ASIC2: variants seen among roughly 807,000 people sequenced by gnomAD.
ASIC2 encodes the protein acid sensing ion channel subunit 2, also known as acid-sensing ion channel 2.
Under a neutral mutation model 57.3 loss-of-function variants are expected in ASIC2, and 25 were observed. The observed-to-expected ratio is 0.44, with a 90% CI of 0.32 to 0.61. ASIC2 has a LOEUF of 0.61. Among genes scored for constraint, ASIC2 ranks in the 20% least tolerant of loss-of-function variants. The probability of loss-of-function intolerance (pLI) is 0.06; values close to 1 mark genes in which losing one functional copy is unlikely to be tolerated. For synonymous variants in ASIC2, 319 were observed against 307.5 expected (o/e 1.04, Z -0.39); for missense variants, 641 against 738.1 (o/e 0.87, Z 1.52).
At chr17:33,509,521 G>A (rs952380698) in intron 1 of ASIC2, among the ~76,000 whole-genome samples, 4 of 152,186 alleles carry the variant, frequency 2.6e-5, no homozygotes, top group African/African-American at 4.8e-5. Context: ...ACTGACAGAC[G>A]GCATCATGCC....
chr17:34,044,596 G>A (rs1200548220), intron 1 of ASIC2, among the ~76,000 whole-genome samples: 1 of 152,174 alleles, frequency 6.6e-6, no homozygotes, highest in Non-Finnish European at 1.5e-5. Flanking sequence ...ACTTTTCAAT[G>A]AGGAGGCACC....
chr17:33,763,045 A>G (rs1430098206), intron 1 of ASIC2, among the ~76,000 whole-genome samples: 2 of 152,152 alleles, frequency 1.3e-5, no homozygotes, highest in Non-Finnish European at 2.9e-5. Context: ...AACTTGACCA[A>G]TGTTACACAG....
chr17:33,325,120 GAAACAAAC>G (rs370199299), intron 1 of ASIC2, among the ~76,000 whole-genome samples: 30 of 152,104 alleles, frequency 2.0e-4, no homozygotes, highest in Non-Finnish European at 2.5e-4. Context: ...GATGCCACAA[GAAACAAAC>G]AAACAAACAA....
chr17:33,174,139 G>C (rs2142051602), intron 1 of ASIC2, among the ~76,000 whole-genome samples: 1 of 152,178 alleles, frequency 6.6e-6, no homozygotes, highest in East Asian at 1.9e-4. Flanking sequence ...CAAATCCATG[G>C]GGCCAGGCAC....
chr17:33,345,354 A>C (rs1307000928), intron 1 of ASIC2, among the ~76,000 whole-genome samples: 1 of 152,242 alleles, frequency 6.6e-6, no homozygotes. Flanking sequence ...CAAGATCCCT[A>C]TCCTCACATA....
intron 1 of ASIC2, among the ~76,000 whole-genome samples, chr17:33,525,286 G>T (rs1221836483): frequency 6.6e-6 from 1 of 152,166 alleles, no homozygotes; most frequent in Admixed American, 6.5e-5. Flanking sequence ...GAGTCATGTG[G>T]GAGGTGTGGA....
chr17:33,810,187 G>A (rs748589639), intron 1 of ASIC2, among the ~76,000 whole-genome samples: 13 of 152,206 alleles, frequency 8.5e-5, no homozygotes, highest in Non-Finnish European at 1.9e-4. Context: ...GCAAAGAGTT[G>A]AGAAAGCTCT....
Position 33,857,460 on chromosome 17 carries a change from C to T in ASIC2, c.555+298518G>A, listed in dbSNP as rs114357177. 2.0e-3 allele frequency among the ~76,000 whole-genome samples: 312 copies of T among 152,256 alleles called. 2 individuals are homozygous for T. The highest frequency in any genetic ancestry group is 7.4e-3 in the African/African-American group (307 of 41,554). On this transcript the variant is annotated intron_variant, in intron 1 of 9. Coordinates refer to the ASIC2 transcript ENST00000359872. ...AGGTTCCATCCCCAATTCAGCCAGT[C>T]AACCTCAACACCTAGACCCCTTTCC...
At chr17:33,196,881 C>T (rs115926158) in intron 1 of ASIC2, among the ~76,000 whole-genome samples, 1,703 of 152,294 alleles carry the variant, frequency 0.011, 20 homozygotes, top group African/African-American at 0.026. Flanking sequence ...TAGGAATCTC[C>T]GCCTCGGCAT....
At chr17:34,132,519 T>C (rs1912015229) in intron 1 of ASIC2, among the ~76,000 whole-genome samples, 1 of 152,196 alleles carries the variant, frequency 6.6e-6, no homozygotes, top group African/African-American at 2.4e-5. Context: ...TCCCTGCAAC[T>C]GGCTACTTTT....
At chr17:33,848,154 C>G (rs1913664140) in intron 1 of ASIC2, among the ~76,000 whole-genome samples, 1 of 152,128 alleles carries the variant, frequency 6.6e-6, no homozygotes, top group African/African-American at 2.4e-5. Flanking sequence ...TCAAGGCAAC[C>G]AGAAGGGCAG....
intron 1 of ASIC2, among the ~76,000 whole-genome samples, chr17:33,659,857 G>A (rs924205982): frequency 1.3e-5 from 2 of 149,524 alleles, no homozygotes; most frequent in Admixed American, 6.7e-5. Flanking sequence ...GGGTGACAGA[G>A]CGAGACTCTG....
intron 1 of ASIC2, among the ~76,000 whole-genome samples, chr17:33,660,123 C>T (rs1394969257): frequency 6.6e-6 from 1 of 151,740 alleles, no homozygotes; most frequent in Non-Finnish European, 1.5e-5. Context: ...CCCTATAGGG[C>T]ACTTAGCATG....
chr17:33,459,694 AG>A (rs1200126792), intron 1 of ASIC2, among the ~76,000 whole-genome samples: 1 of 152,178 alleles, frequency 6.6e-6, no homozygotes, highest in Non-Finnish European at 1.5e-5. Context: ...TCGTCAGTGC[AG>A]GGGAGAATGT....
At chr17:34,023,703 C>T (rs1050527426) in intron 1 of ASIC2, among the ~76,000 whole-genome samples, 1 of 152,164 alleles carries the variant, frequency 6.6e-6, no homozygotes, top group Admixed American at 6.5e-5. Context: ...AGTAGCCCTC[C>T]CCAGGCAACT....
intron 1 of ASIC2, among the ~76,000 whole-genome samples, chr17:34,148,588 G>A (rs1213776963): frequency 6.6e-6 from 1 of 152,180 alleles, no homozygotes; most frequent in Non-Finnish European, 1.5e-5. Context: ...ATCTACATCT[G>A]TGTGCTGAGG....
At chr17:33,323,331 G>A (rs1044947196) in intron 1 of ASIC2, among the ~76,000 whole-genome samples, 5 of 152,218 alleles carry the variant, frequency 3.3e-5, no homozygotes, top group African/African-American at 1.2e-4. Context: ...TAGTCATACA[G>A]TAGAGTACTA....
chr17:33,762,756 G>C (rs1910823855), intron 1 of ASIC2, among the ~76,000 whole-genome samples: 1 of 152,196 alleles, frequency 6.6e-6, no homozygotes, highest in African/African-American at 2.4e-5. Flanking sequence ...TTTGATGGTA[G>C]GAGGGCACTG....
At chr17:33,384,219 A>G (rs970270468) in intron 1 of ASIC2, among the ~76,000 whole-genome samples, 1 of 152,232 alleles carries the variant, frequency 6.6e-6, no homozygotes, top group Non-Finnish European at 1.5e-5. Context: ...ATAGGCACTT[A>G]AGAAGGAACA....
Sources: allele counts gnomAD v4.1 joint callset (sites outside exome capture counted in the v4.1 genomes callset), GRCh38; gene constraint gnomAD v4.1.1; transcripts MANE v1.5; gene names NCBI Gene and HGNC (gene_info 2026-07-23, HGNC 2026-07-21).